The following CDH23 variants were observed in gnomAD, a reference collection of about 807,000 sequenced individuals.
CDH23 encodes cadherin-23.
Under a neutral mutation model 317.1 loss-of-function variants are expected in CDH23, and 189 were observed. The observed-to-expected ratio is 0.60, with a 90% CI of 0.53 to 0.67. The LOEUF is 0.67. Among genes scored for constraint, CDH23 ranks in the 30% least tolerant of loss-of-function variants. The probability of loss-of-function intolerance (pLI) is 0.00; values close to 1 mark genes in which losing one functional copy is unlikely to be tolerated. For missense variants in CDH23, 4,401 were observed against 4,592.4 expected (o/e 0.96, Z 1.20); for synonymous variants, 1,839 against 1,876.8 (o/e 0.98, Z 0.52).
chr10:71,734,786 C>T, intron 34 of CDH23, 128 bp downstream of exon 34: 3 of 562,062 alleles, frequency 5.3e-6, no homozygotes, highest in South Asian at 1.4e-5. Context: ...TGCAGCAGGC[C>T]CCCTCCCAGT....
At position 71,799,115 on chromosome 10, in the gene CDH23, G is replaced by A. The variant is rs759451306; in HGVS notation, c.7059G>A (p.Lys2353=). Residue 2353 remains lysine, a synonymous_variant, in exon 51 of 70, where the codon AAG becomes AAA. Coordinates refer to ENST00000224721, the MANE Select transcript of CDH23 (RefSeq NM_022124.6). ...GTGGGAGCCTCTGTGTCTTAGGGAA[G>A]GTCATTGCCAACCGGACAGTGGACT... The part of the protein sequence containing the change: ...YVQLEDSSAG[K]VIANRTVDYE... 6.2e-7 allele frequency: 1 copy of A among 1,612,910 alleles called. No homozygotes were observed. Among genetic ancestry groups the A allele is most frequent in the Non-Finnish European group, 8.5e-7 (1 of 1,179,028 alleles).
chr10:71,806,547 T>TACACACACAC (rs1213790702), intron 57 of CDH23, among the ~76,000 whole-genome samples: 2 of 148,712 alleles, frequency 1.3e-5, no homozygotes, highest in Non-Finnish European at 3.0e-5. Context: ...CACACACACA[T>TACACACACAC]ACACACACAC....
chr10:71,698,238 A>G (rs183988691), intron 22 of CDH23, among the ~76,000 whole-genome samples: 1 of 152,324 alleles, frequency 6.6e-6, no homozygotes, highest in Non-Finnish European at 1.5e-5. Flanking sequence ...TATTTTGAAA[A>G]GGAAGTTATA....
chr10:71,601,150 A>G (rs980510159), intron 9 of CDH23, among the ~76,000 whole-genome samples: 1 of 152,238 alleles, frequency 6.6e-6, no homozygotes, highest in Non-Finnish European at 1.5e-5. Context: ...GGCCTGGCAC[A>G]ATCTGCATCC....
intron 18 of CDH23, among the ~76,000 whole-genome samples, chr10:71,683,208 A>G (rs1480101244): frequency 6.6e-6 from 1 of 152,196 alleles, no homozygotes; most frequent in African/African-American, 2.4e-5. Flanking sequence ...GCCCCTCCGC[A>G]TGGAGACCTC....
At chr10:71,605,624 G>C (rs1017553113) in intron 9 of CDH23, among the ~76,000 whole-genome samples, 2 of 152,186 alleles carry the variant, frequency 1.3e-5, no homozygotes, top group Admixed American at 6.5e-5. Context: ...GCCAAAAAAA[G>C]TATCTTATGG....
intron 1 of CDH23, among the ~76,000 whole-genome samples, chr10:71,415,736 G>C (rs951338896): frequency 6.6e-6 from 1 of 152,080 alleles, no homozygotes; most frequent in African/African-American, 2.4e-5. Flanking sequence ...TCTAATTTCT[G>C]TTATAGTTTC....
At chr10:71,601,069 A>G (rs1241818141) in intron 9 of CDH23, among the ~76,000 whole-genome samples, 2 of 152,192 alleles carry the variant, frequency 1.3e-5, no homozygotes, top group East Asian at 3.8e-4. Context: ...CCTGACCAGA[A>G]TCATCTGCTT....
intron 6 of CDH23, among the ~76,000 whole-genome samples, chr10:71,550,332 G>T (rs558066244): frequency 7.9e-5 from 12 of 151,970 alleles, no homozygotes; most frequent in African/African-American, 2.9e-4. Context: ...GTCGGGGATC[G>T]CTTGAGGCCA....
chr10:71,647,207 C>A, intron 14 of CDH23: 1 of 525,246 alleles, frequency 1.9e-6, no homozygotes, highest in Non-Finnish European at 2.4e-6. Context: ...TCACGCCTGT[C>A]ATCCAACACC....
In CDH23 at chr10:71,631,956, A is replaced by C. The variant is rs531409921; in HGVS notation, c.1135-11905A>C. Among the ~76,000 whole-genome samples the C allele has an allele frequency of 1.1e-4, 17 of 152,364 alleles. No individual in the cohort carries two copies. The South Asian group carries it at 3.5e-3, about 32-fold the overall frequency. On this transcript the variant is annotated intron_variant, in intron 11 of 69. Transcript: ENST00000224721. ...AAAGACAAACTTATAGGAACAGAGA[A>C]CAGGTCAGAGGTGGCTGGGGGTGGG...
intron 42 of CDH23, 48 bp downstream of exon 42, chr10:71,784,468 C>T (rs754998786): frequency 1.1e-5 from 17 of 1,587,480 alleles, no homozygotes; most frequent in Non-Finnish European, 1.5e-5. Flanking sequence ...TGCCCCTGTA[C>T]TTGCCACAGA....
Position 71,677,544 on chromosome 10 carries a change from G to T in CDH23, c.1603G>T (p.Ala535Ser), listed in dbSNP as rs1348046560. 1.9e-6 allele frequency: 3 copies of T among 1,611,902 alleles called. No individual in the cohort carries two copies. Among genetic ancestry groups the T allele is most frequent in the African/African-American group, 1.3e-5 (1 of 74,888 alleles). Reference protein sequence around the residue: ...LIQRFTLTIIARDGGGEETTG... With the variant: ...LIQRFTLTIISRDGGGEETTG... ...CCAGCGCTTCACCCTGACGATCATT[G>T]CCCGGGACGGGGGCGGCGAGGAGAC... The change falls in exon 16 of 70, where the codon GCC becomes TCC. Residue 535 changes from alanine (A) to serine (S), a missense_variant. Physicochemically the swap from Ala to Ser is moderately conservative, Grantham distance 99. This residue lies in a region of CDH23 where 3,068 missense variants were observed against 3,203.3 expected (regional missense o/e 0.96). Coordinates refer to ENST00000224721, the MANE Select transcript of CDH23 (RefSeq NM_022124.6).
At position 71,732,226 on chromosome 10, in the gene CDH23, G is replaced by C. The variant is rs749805386; in HGVS notation, c.3955G>C (p.Glu1319Gln). The C allele has an allele frequency of 1.9e-6, 3 of 1,613,746 alleles. No individual in the cohort carries two copies. The highest frequency in any genetic ancestry group is 2.2e-5 in the South Asian group (2 of 91,054). Reference protein sequence around the residue: ...EAVQFSNASYEAAILENLALG... With the variant: ...EAVQFSNASYQAAILENLALG... The stretch of plus-strand genomic sequence containing the variant: ...CGTGCAGTTCTCCAATGCCTCATAC[G>C]AGGCTGCCATCCTGGAGAATCTGGC... The change falls in exon 32 of 70, where the codon GAG (glutamate) becomes CAG (glutamine). Residue 1319 changes from glutamate to glutamine, a missense_variant. By Grantham distance (29) the Glu-to-Gln change is conservative. Transcript: ENST00000224721.
At chr10:71,631,128 C>G (rs547726756) in intron 11 of CDH23, among the ~76,000 whole-genome samples, 16 of 152,306 alleles carry the variant, frequency 1.1e-4, no homozygotes, top group African/African-American at 3.9e-4. Flanking sequence ...ACTTGTAGTC[C>G]TAGCTGCTGG....
intron 13 of CDH23, 87 bp downstream of exon 13, chr10:71,646,067 C>T (rs575019489): frequency 6.0e-6 from 9 of 1,490,380 alleles, no homozygotes; most frequent in Non-Finnish European, 8.2e-6. Flanking sequence ...TCCCTTAGAT[C>T]CCACCTTCCA....
chr10:71,812,650 G>T (rs758813981), intron 67 of CDH23, 41 bp downstream of exon 67: 4 of 1,613,498 alleles, frequency 2.5e-6, no homozygotes, highest in Admixed American at 3.3e-5. Context: ...GGCAGGGGTG[G>T]AGGGGCTGGG....
intron 9 of CDH23, among the ~76,000 whole-genome samples, chr10:71,592,480 A>G (rs1352056830): frequency 6.6e-6 from 1 of 152,140 alleles, no homozygotes; most frequent in African/African-American, 2.4e-5. Context: ...ACTCCAGGAG[A>G]TAATCCCATC....
At chr10:71,549,411 A>G (rs1198114014) in intron 6 of CDH23, among the ~76,000 whole-genome samples, 3 of 152,220 alleles carry the variant, frequency 2.0e-5, no homozygotes, top group African/African-American at 4.8e-5. Flanking sequence ...GGGACTCCAG[A>G]GAGGGGTCAT....
Sources: allele counts gnomAD v4.1 joint callset (sites outside exome capture counted in the v4.1 genomes callset), GRCh38; gene constraint gnomAD v4.1.1; regional missense constraint gnomAD v4.1.1; transcripts MANE v1.5; gene names NCBI Gene and HGNC (gene_info 2026-07-23, HGNC 2026-07-21).